FLRT2: variants seen among roughly 807,000 people sequenced by gnomAD.
FLRT2 encodes the protein leucine-rich repeat transmembrane protein FLRT2.
In FLRT2, 15 loss-of-function variants were observed where a neutral mutation model predicts 40.0. That is an observed-to-expected ratio of 0.38 (90% confidence interval 0.25 to 0.58). The LOEUF is 0.58. Ranked by LOEUF, FLRT2 falls within the 20% of genes least tolerant of loss-of-function variation. The pLI is 0.71. For synonymous variants in FLRT2, 380 were observed against 336.8 expected, an observed-to-expected ratio of 1.13 and a Z score of -1.41; for missense variants, 726 against 840.0, an observed-to-expected ratio of 0.86 and a Z score of 1.68.
In FLRT2 at chr14:85,624,571, G is replaced by A. The variant is rs1893586410; in HGVS notation, c.*1074G>A. The A allele has an allele frequency of 1.8e-5, 3 of 166,946 alleles. No individual in the cohort carries two copies. In the Admixed American group the frequency reaches 2.0e-4, roughly 11 times the overall value. The allele number at this position is 166,946 out of a possible 1,614,324, so 10.3% of individuals were successfully genotyped here. On this transcript the variant is annotated 3_prime_UTR_variant, in exon 2 of 2. Transcript: ENST00000330753. Reference sequence around the variant, plus strand: ...GATCAGTGGTTCTGTTATGTCAGCTGACTTTGTTAGTATCATGTTGAAATA... The same window carrying A: ...GATCAGTGGTTCTGTTATGTCAGCTAACTTTGTTAGTATCATGTTGAAATA...
intron 1 of FLRT2, among the ~76,000 whole-genome samples, chr14:85,606,910 C>A (rs1382767148): frequency 6.6e-6 from 1 of 151,600 alleles, no homozygotes; most frequent in East Asian, 2.0e-4. Context: ...CCCCCACACC[C>A]CCTGCCACCA....
At chr14:85,594,900 T>C (rs1214513239) in intron 1 of FLRT2, among the ~76,000 whole-genome samples, 1 of 152,218 alleles carries the variant, frequency 6.6e-6, no homozygotes, top group African/African-American at 2.4e-5. Flanking sequence ...TATGTATTAT[T>C]GACAGTATTC....
chr14:85,603,964 C>T (rs141132528), intron 1 of FLRT2, among the ~76,000 whole-genome samples: 1 of 152,214 alleles, frequency 6.6e-6, no homozygotes, highest in Admixed American at 6.5e-5. Context: ...CTTGAGAGTG[C>T]CATTTTTACT....
rs190682013 is a variant in FLRT2 at position 85,649,697 on chromosome 14, A to G, written c.*26200A>G. 9.9e-5 allele frequency: 15 copies of G among 152,212 alleles called. No individual in the cohort carries two copies. Among genetic ancestry groups the G allele is most frequent in the Non-Finnish European group, 2.1e-4 (14 of 67,986 alleles). The allele number at this position is 152,212 out of a possible 1,614,324, so 9.4% of individuals were successfully genotyped here. Reference sequence around the variant, plus strand: ...ACTATCCACACTTTTCCTCACTATAAAATTTAATGAACCTTATATCATTAA... The same window carrying G: ...ACTATCCACACTTTTCCTCACTATAGAATTTAATGAACCTTATATCATTAA... On this transcript the variant is annotated 3_prime_UTR_variant, in exon 2 of 2. Coordinates refer to ENST00000330753, the MANE Select transcript of FLRT2 (RefSeq NM_013231.6).
chr14:85,598,564 C>A (rs1892238967), intron 1 of FLRT2, among the ~76,000 whole-genome samples: 1 of 152,182 alleles, frequency 6.6e-6, no homozygotes, highest in Admixed American at 6.5e-5. Flanking sequence ...TAGGGCTTGG[C>A]TTCTGATGGT....
intron 1 of FLRT2, among the ~76,000 whole-genome samples, chr14:85,599,871 C>G (rs936483356): frequency 2.6e-5 from 4 of 151,964 alleles, no homozygotes; most frequent in African/African-American, 9.7e-5. Flanking sequence ...GATTTAAATC[C>G]AAGATCCGAA....
At chr14:85,582,838 GA>G (rs1891451876) in intron 1 of FLRT2, among the ~76,000 whole-genome samples, 2 of 151,800 alleles carry the variant, frequency 1.3e-5, no homozygotes, top group African/African-American at 4.8e-5. Flanking sequence ...TAGCAGAAAG[GA>G]CCTCATTTTA....
intron 1 of FLRT2, among the ~76,000 whole-genome samples, chr14:85,566,872 G>T (rs923486320): frequency 6.6e-6 from 1 of 151,882 alleles, no homozygotes; most frequent in Non-Finnish European, 1.5e-5. Flanking sequence ...AATTAGTCAT[G>T]ATGAAAAAGC....
At chr14:85,591,845 A>G (rs1358994442) in intron 1 of FLRT2, among the ~76,000 whole-genome samples, 1 of 152,210 alleles carries the variant, frequency 6.6e-6, no homozygotes, top group African/African-American at 2.4e-5. Flanking sequence ...TCTGGTGAAT[A>G]CATAGCATTT....
In FLRT2 at chr14:85,652,806, A is replaced by T. The variant is rs2139413084; in HGVS notation, c.*29309A>T. ...AATGAGTTTTCTTTTTCTATTATTTAAAAAAGTTTTTGCTTGGCAAATCTT... is the reference window on the plus strand; with the variant it reads ...AATGAGTTTTCTTTTTCTATTATTTTAAAAAGTTTTTGCTTGGCAAATCTT... On this transcript the variant is annotated 3_prime_UTR_variant, in exon 2 of 2. Transcript: ENST00000330753. The T allele has an allele frequency of 6.7e-6, 1 of 149,734 alleles. No individual in the cohort carries two copies. The highest frequency in any genetic ancestry group is 1.5e-5 in the Non-Finnish European group (1 of 67,018). The allele number at this position is 149,734 out of a possible 1,614,324, so 9.3% of individuals were successfully genotyped here.
chr14:85,602,071 A>G (rs1892399548), intron 1 of FLRT2, among the ~76,000 whole-genome samples: 1 of 152,178 alleles, frequency 6.6e-6, no homozygotes, highest in African/African-American at 2.4e-5. Flanking sequence ...ACAATTTGTT[A>G]TTATTTATTT....
chr14:85,558,668 G>A (rs1331894554), intron 1 of FLRT2, among the ~76,000 whole-genome samples: 2 of 152,168 alleles, frequency 1.3e-5, no homozygotes, highest in African/African-American at 4.8e-5. Context: ...CATCACAAAA[G>A]AGAGGGGAAG....
At chr14:85,592,658 G>A (rs1237709541) in intron 1 of FLRT2, among the ~76,000 whole-genome samples, 1 of 133,032 alleles carries the variant, frequency 7.5e-6, no homozygotes, top group Admixed American at 7.1e-5. Flanking sequence ...GCATCAGGTT[G>A]GGCACCTGTA....
At chr14:85,602,510 C>T (rs990864138) in intron 1 of FLRT2, among the ~76,000 whole-genome samples, 5 of 152,180 alleles carry the variant, frequency 3.3e-5, no homozygotes, top group African/African-American at 7.2e-5. Context: ...TCTTTGTCTT[C>T]CTCCGGGTTT....
intron 1 of FLRT2, among the ~76,000 whole-genome samples, chr14:85,600,968 T>C (rs779395839): frequency 6.6e-6 from 1 of 152,190 alleles, no homozygotes; most frequent in Non-Finnish European, 1.5e-5. Flanking sequence ...AGGAGATAGA[T>C]AGGACTTTCA....
chr14:85,535,058 G>A (rs1046753425), intron 1 of FLRT2, among the ~76,000 whole-genome samples: 24 of 152,096 alleles, frequency 1.6e-4, no homozygotes, highest in African/African-American at 5.8e-4. Context: ...CCGTGTAAAC[G>A]CTCGCTCAAG....
intron 1 of FLRT2, among the ~76,000 whole-genome samples, chr14:85,535,363 AAAAC>A (rs1888584947): frequency 2.0e-5 from 3 of 149,810 alleles, no homozygotes; most frequent in Admixed American, 6.6e-5. Context: ...CCAAAAAAAA[AAAAC>A]AACAACATTT....
intron 1 of FLRT2, among the ~76,000 whole-genome samples, chr14:85,585,543 A>G (rs920717835): frequency 3.3e-5 from 5 of 152,198 alleles, no homozygotes; most frequent in Non-Finnish European, 5.9e-5. Context: ...AAAGGATAAA[A>G]TTACTACTAA....
chr14:85,580,507 A>G (rs990620683), intron 1 of FLRT2, among the ~76,000 whole-genome samples: 2 of 152,204 alleles, frequency 1.3e-5, no homozygotes, highest in Non-Finnish European at 2.9e-5. Context: ...AGAAAATAGT[A>G]TTCACACATA....
Sources: allele counts gnomAD v4.1 joint callset (sites outside exome capture counted in the v4.1 genomes callset), GRCh38; gene constraint gnomAD v4.1.1; transcripts MANE v1.5; gene names NCBI Gene and HGNC (gene_info 2026-07-23, HGNC 2026-07-21).